DCC: variants seen among roughly 807,000 people sequenced by gnomAD.
DCC encodes netrin receptor DCC.
A neutral mutation model predicts 172.5 loss-of-function variants in DCC; 58 were observed. The observed-to-expected ratio is 0.34, with a 90% CI of 0.27 to 0.42. The LOEUF is 0.42. Among genes scored for constraint, DCC ranks in the 10% least tolerant of loss-of-function variants. The pLI, the probability that DCC is intolerant of heterozygous loss-of-function variation, is 1.00. For missense variants in DCC, 1,740 were observed against 1,791.0 expected (o/e 0.97, Z 0.51); for synonymous variants, 709 against 644.5 (o/e 1.10, Z -1.52).
intron 26 of DCC, among the ~76,000 whole-genome samples, chr18:53,498,726 C>A (rs897069522): frequency 6.6e-6 from 1 of 152,180 alleles, no homozygotes; most frequent in Non-Finnish European, 1.5e-5. Flanking sequence ...GCAACTTGTT[C>A]TGGCAGAGTC....
intron 12 of DCC, among the ~76,000 whole-genome samples, chr18:53,279,551 G>A (rs530178807): frequency 1.3e-5 from 2 of 150,552 alleles, no homozygotes; most frequent in Admixed American, 1.3e-4. Context: ...AATGTTAAAT[G>A]ACGAGTTAAT....
At chr18:53,436,250 C>T (rs538505265) in intron 22 of DCC, among the ~76,000 whole-genome samples, 2 of 152,136 alleles carry the variant, frequency 1.3e-5, no homozygotes, top group South Asian at 4.1e-4. Flanking sequence ...TCTTTTTTAA[C>T]GTAGTTTTGA....
intron 7 of DCC, 25 bp downstream of exon 7, chr18:53,066,191 G>C (rs548931657): frequency 6.2e-7 from 1 of 1,609,000 alleles, no homozygotes; most frequent in East Asian, 2.2e-5. Flanking sequence ...ACCTTGCTTT[G>C]GTACCTGGAA....
chr18:52,715,788 C>G (rs1272011651), intron 1 of DCC, among the ~76,000 whole-genome samples: 2 of 152,116 alleles, frequency 1.3e-5, no homozygotes, highest in East Asian at 3.9e-4. Context: ...CCTCTTCCCA[C>G]CCCTGTCACC....
chr18:52,782,695 C>T (rs1821121), intron 2 of DCC, among the ~76,000 whole-genome samples: 51,983 of 151,706 alleles, frequency 0.34, 10,955 homozygotes, highest in East Asian at 0.7. Flanking sequence ...CTGGCTGAAC[C>T]TGGATCAATT....
At chr18:53,207,328 A>C (rs1022782868) in intron 10 of DCC, among the ~76,000 whole-genome samples, 3 of 152,212 alleles carry the variant, frequency 2.0e-5, no homozygotes, top group African/African-American at 7.2e-5. Context: ...GAATTATTCC[A>C]TTTTGGGTAC....
intron 5 of DCC, among the ~76,000 whole-genome samples, chr18:52,992,268 G>GT (rs1222410756): frequency 1.3e-5 from 2 of 152,152 alleles, no homozygotes. Flanking sequence ...TCCCCCAAGT[G>GT]TTTGCTATTT....
At chr18:52,905,068 A>G (rs2039861433) in intron 2 of DCC, among the ~76,000 whole-genome samples, 1 of 152,092 alleles carries the variant, frequency 6.6e-6, no homozygotes, top group African/African-American at 2.4e-5. Flanking sequence ...CTCATGTACA[A>G]CGTCATGGCA....
intron 1 of DCC, among the ~76,000 whole-genome samples, chr18:52,749,717 A>G (rs1347447178): frequency 6.6e-6 from 1 of 152,200 alleles, no homozygotes; most frequent in Non-Finnish European, 1.5e-5. Context: ...TAATGGGCAC[A>G]TATGCTCATT....
At chr18:53,039,822 T>C (rs972357576) in intron 5 of DCC, among the ~76,000 whole-genome samples, 5 of 151,974 alleles carry the variant, frequency 3.3e-5, no homozygotes, top group Non-Finnish European at 1.5e-5. Flanking sequence ...TTAATGTAGT[T>C]GTTCCTCTTC....
chr18:53,424,734 G>C (rs1254131424), intron 21 of DCC, among the ~76,000 whole-genome samples: 1 of 152,110 alleles, frequency 6.6e-6, no homozygotes, highest in African/African-American at 2.4e-5. Context: ...CTACAGGATG[G>C]GCTCCAGGAA....
chr18:52,486,915 G>A (rs2030252437), intron 1 of DCC, among the ~76,000 whole-genome samples: 1 of 152,092 alleles, frequency 6.6e-6, no homozygotes, highest in African/African-American at 2.4e-5. Context: ...AAACATATGA[G>A]ACATATGCTA....
At chr18:53,408,013 G>T (rs1042446776) in intron 19 of DCC, among the ~76,000 whole-genome samples, 1 of 152,096 alleles carries the variant, frequency 6.6e-6, no homozygotes, top group African/African-American at 2.4e-5. Context: ...TGTTGGTAAG[G>T]CTTTTAGTTT....
chr18:52,991,150 A>G (rs968820443), intron 5 of DCC, among the ~76,000 whole-genome samples: 2 of 152,200 alleles, frequency 1.3e-5, no homozygotes, highest in Admixed American at 6.6e-5. Flanking sequence ...GATGTATCAG[A>G]TCCACACTAT....
intron 19 of DCC, 140 bp downstream of exon 19, chr18:53,403,033 TTTC>T (rs1909417942): frequency 4.2e-6 from 3 of 717,292 alleles, no homozygotes; most frequent in Admixed American, 2.0e-5. Context: ...TTTTTGATTG[TTTC>T]TTCTTTCCCC....
chr18:53,298,870 A>G (rs1008276857), intron 12 of DCC, among the ~76,000 whole-genome samples: 1 of 152,156 alleles, frequency 6.6e-6, no homozygotes, highest in Non-Finnish European at 1.5e-5. Flanking sequence ...TACTTATTTT[A>G]GTGTGAAATA....
chr18:52,681,235 GTCAGT>G (rs1243371935), intron 1 of DCC, among the ~76,000 whole-genome samples: 2 of 151,966 alleles, frequency 1.3e-5, no homozygotes, highest in Admixed American at 1.3e-4. Context: ...TCTATTCCAG[GTCAGT>G]CTCTCCTCCA....
intron 7 of DCC, among the ~76,000 whole-genome samples, chr18:53,069,791 T>C (rs972157689): frequency 2.6e-5 from 4 of 152,236 alleles, no homozygotes; most frequent in Middle Eastern, 3.4e-3. Context: ...GAAACACAGA[T>C]GATAGGCAGT....
intron 7 of DCC, among the ~76,000 whole-genome samples, chr18:53,141,570 C>T (rs2043831003): frequency 6.6e-6 from 1 of 152,290 alleles, no homozygotes; most frequent in East Asian, 1.9e-4. Flanking sequence ...TTACCCTGGA[C>T]TAGCATGAGG....
Sources: gnomAD v4.1 joint callset for allele counts (sites outside exome capture counted in the v4.1 genomes callset) on GRCh38, gnomAD v4.1.1 for gene constraint, MANE v1.5 for transcripts, NCBI Gene and HGNC (gene_info 2026-07-23, HGNC 2026-07-21) for gene names.